Variants in ATOSA observed in about 807,000 individuals in gnomAD.
ATOSA encodes atos homolog A.
At chr15:52,691,543 G>A in the ATOSA span, among the ~76,000 whole-genome samples, 2 of 152,170 alleles carry the variant, frequency 1.3e-5, no homozygotes, top group African/African-American at 4.8e-5. Flanking sequence ...ACCAAGAATA[G>A]GTAGAGAACC....
At chr15:52,659,810 C>T in the ATOSA span, among the ~76,000 whole-genome samples, 1 of 151,832 alleles carries the variant, frequency 6.6e-6, no homozygotes, top group Non-Finnish European at 1.5e-5. Context: ...AGTTCAAGAC[C>T]ATCTTGGCCA....
the ATOSA span, chr15:52,593,617 G>A: frequency 3.8e-6 from 6 of 1,573,210 alleles, no homozygotes; most frequent in Non-Finnish European, 5.2e-6. Context: ...AAACACTGTA[G>A]AATGACACTT....
the ATOSA span, among the ~76,000 whole-genome samples, chr15:52,690,971 T>C: frequency 6.6e-6 from 1 of 152,198 alleles, no homozygotes; most frequent in Non-Finnish European, 1.5e-5. Context: ...GGTAACTCAA[T>C]AGTCAGGCAA....
the ATOSA span, among the ~76,000 whole-genome samples, chr15:52,636,634 T>C: frequency 3.3e-5 from 5 of 152,192 alleles, no homozygotes; most frequent in Non-Finnish European, 7.3e-5. Flanking sequence ...ACTCCAGAAC[T>C]ATGATAAAAT....
At chr15:52,667,329 G>C in the ATOSA span, among the ~76,000 whole-genome samples, 1 of 152,032 alleles carries the variant, frequency 6.6e-6, no homozygotes, top group African/African-American at 2.4e-5. Context: ...TGTAAATGTT[G>C]TCTAACATCA....
At chr15:52,705,013 C>T in the ATOSA span, among the ~76,000 whole-genome samples, 1 of 152,166 alleles carries the variant, frequency 6.6e-6, no homozygotes, top group African/African-American at 2.4e-5. Context: ...GGTATATACC[C>T]AAAGGATTGT....
the ATOSA span, among the ~76,000 whole-genome samples, chr15:52,625,775 C>T: frequency 3.6e-4 from 55 of 152,312 alleles, no homozygotes; most frequent in African/African-American, 1.2e-3. Context: ...AAAACCCAAA[C>T]ATTCAATTAA....
the ATOSA span, chr15:52,679,350 G>C: frequency 6.5e-6 from 1 of 154,034 alleles, no homozygotes; most frequent in South Asian, 2.0e-4. Flanking sequence ...CCCCTCGCTC[G>C]GCCAGTTCTT....
the ATOSA span, among the ~76,000 whole-genome samples, chr15:52,667,242 T>C: frequency 6.6e-6 from 1 of 152,266 alleles, no homozygotes; most frequent in Admixed American, 6.5e-5. Flanking sequence ...AGGAAAAATC[T>C]ACTAAAATAT....
the ATOSA span, among the ~76,000 whole-genome samples, chr15:52,605,857 C>T: frequency 6.6e-6 from 1 of 151,972 alleles, no homozygotes; most frequent in African/African-American, 2.4e-5. Flanking sequence ...CCAGTGGATG[C>T]CTGAAACCAC....
the ATOSA span, among the ~76,000 whole-genome samples, chr15:52,661,507 T>TCA: frequency 4.6e-5 from 7 of 152,338 alleles, no homozygotes; most frequent in Non-Finnish European, 8.8e-5. Flanking sequence ...TGAAAGAAAC[T>TCA]CACACACTCT....
the ATOSA span, chr15:52,600,353 A>G: frequency 7.0e-6 from 4 of 571,522 alleles, no homozygotes; most frequent in South Asian, 6.9e-5. Flanking sequence ...ATCATAGCTC[A>G]TACAGCTCAA....
the ATOSA span, among the ~76,000 whole-genome samples, chr15:52,642,536 C>T: frequency 6.6e-6 from 1 of 152,218 alleles, no homozygotes; most frequent in Non-Finnish European, 1.5e-5. Context: ...CACAGACTAA[C>T]TCTTACATCT....
the ATOSA span, chr15:52,610,488 G>C: frequency 8.1e-7 from 1 of 1,241,594 alleles, no homozygotes; most frequent in Non-Finnish European, 1.1e-6. Context: ...ATTTTTGTTT[G>C]CGTTAATTAC....
At chr15:52,614,167 G>A in the ATOSA span, among the ~76,000 whole-genome samples, 9 of 152,064 alleles carry the variant, frequency 5.9e-5, no homozygotes, top group African/African-American at 1.2e-4. Context: ...GTGCAATGGC[G>A]CAATCTCGGC....
At chr15:52,597,886 A>G in the ATOSA span, among the ~76,000 whole-genome samples, 1 of 152,158 alleles carries the variant, frequency 6.6e-6, no homozygotes, top group Admixed American at 6.5e-5. Flanking sequence ...GCACTTTGGG[A>G]GGCCGAGGCA....
chr15:52,646,855 G>C, the ATOSA span, among the ~76,000 whole-genome samples: 6 of 152,108 alleles, frequency 3.9e-5, no homozygotes, highest in African/African-American at 1.4e-4. Context: ...TTTCCCCCTA[G>C]CAAGGGGGTT....
At chr15:52,610,010 G>C in the ATOSA span, 4 of 1,613,702 alleles carry the variant, frequency 2.5e-6, no homozygotes, top group African/African-American at 1.3e-5. Flanking sequence ...CCAGTGCCTG[G>C]ATATAGTTTG....
the ATOSA span, among the ~76,000 whole-genome samples, chr15:52,700,562 G>A: frequency 5.3e-5 from 8 of 152,134 alleles, no homozygotes; most frequent in South Asian, 2.1e-4. Flanking sequence ...TTATTGTGAC[G>A]AGGCTTTTTA....
Sources: allele counts gnomAD v4.1 joint callset (sites outside exome capture counted in the v4.1 genomes callset), GRCh38; gene constraint gnomAD v4.1.1; transcripts MANE v1.5; gene names NCBI Gene and HGNC (gene_info 2026-07-23, HGNC 2026-07-21).